The following TCF20 variants were observed in gnomAD, a reference collection of about 807,000 sequenced individuals.
TCF20 encodes transcription factor 20, also known as SPRE-binding protein.
A neutral mutation model predicts 148.6 loss-of-function variants in TCF20; 3 were observed. The observed-to-expected ratio is 0.02, with a 90% CI of 0.01 to 0.05. The LOEUF is 0.05. Among genes scored for constraint, TCF20 ranks in the 10% least tolerant of loss-of-function variants. The pLI is 1.00. For synonymous variants in TCF20, 1,049 were observed against 909.5 expected, an observed-to-expected ratio of 1.15 and a Z score of -2.76; for missense variants, 2,350 against 2,429.3, an observed-to-expected ratio of 0.97 and a Z score of 0.69.
intron 1 of TCF20, among the ~76,000 whole-genome samples, chr22:42,276,109 C>T (rs540711944): frequency 1.1e-4 from 16 of 152,294 alleles, no homozygotes; most frequent in African/African-American, 9.6e-5. Context: ...CTGGGCTCCA[C>T]GGGAAGGCAG....
chr22:42,319,022 C>T (rs897789918), intron 1 of TCF20, among the ~76,000 whole-genome samples: 1 of 152,182 alleles, frequency 6.6e-6, no homozygotes, highest in African/African-American at 2.4e-5. Context: ...TGTGCCACAC[C>T]TTGTAAGGGG....
At chr22:42,242,218 A>AC (rs1555942525) in intron 1 of TCF20, among the ~76,000 whole-genome samples, 1 of 142,586 alleles carries the variant, frequency 7.0e-6, no homozygotes, top group African/African-American at 2.8e-5. Context: ...AAAAAAAAAA[A>AC]AAAAAAAAAC....
At chr22:42,253,272 A>C (rs1034541337) in intron 1 of TCF20, among the ~76,000 whole-genome samples, 1 of 152,344 alleles carries the variant, frequency 6.6e-6, no homozygotes, top group East Asian at 1.9e-4. Flanking sequence ...CAGTGTTGTG[A>C]CTTCACATTA....
At chr22:42,209,123 CAATT>C (rs1214543617) in intron 2 of TCF20, among the ~76,000 whole-genome samples, 1 of 152,214 alleles carries the variant, frequency 6.6e-6, no homozygotes, top group East Asian at 1.9e-4. Flanking sequence ...AGCCAACTCT[CAATT>C]AAGCATGAGG....
intron 1 of TCF20, among the ~76,000 whole-genome samples, chr22:42,318,292 A>G (rs1449500087): frequency 6.6e-6 from 1 of 152,182 alleles, no homozygotes; most frequent in African/African-American, 2.4e-5. Context: ...AGCTCCAGTT[A>G]GGAGTTCAAT....
intron 3 of TCF20, among the ~76,000 whole-genome samples, chr22:42,175,239 C>T (rs2070415540): frequency 1.3e-5 from 2 of 152,128 alleles, no homozygotes; most frequent in Admixed American, 1.3e-4. Flanking sequence ...CTATGTTATC[C>T]AGGCTGAACT....
chr22:42,225,232 G>C (rs1922767208), intron 1 of TCF20, among the ~76,000 whole-genome samples: 1 of 152,026 alleles, frequency 6.6e-6, no homozygotes. Flanking sequence ...CTGACCTCAA[G>C]TGATCCACCT....
chr22:42,333,526 C>T (rs542256122), intron 1 of TCF20, among the ~76,000 whole-genome samples: 1 of 152,384 alleles, frequency 6.6e-6, no homozygotes, highest in Admixed American at 6.5e-5. Flanking sequence ...TTCCACCACA[C>T]CTTGGCCCTC....
chr22:42,177,738 T>C (rs1190833472), intron 3 of TCF20, among the ~76,000 whole-genome samples: 1 of 152,214 alleles, frequency 6.6e-6, no homozygotes, highest in Non-Finnish European at 1.5e-5. Flanking sequence ...ATTTTAGTCT[T>C]CATCCCTGAT....
intron 1 of TCF20, among the ~76,000 whole-genome samples, chr22:42,296,302 C>T (rs1366926932): frequency 6.6e-6 from 1 of 152,232 alleles, no homozygotes; most frequent in Non-Finnish European, 1.5e-5. Context: ...CAAGTACTGG[C>T]TCAGTGTCTG....
chr22:42,340,470 CACCAG>C (rs1928145021), intron 1 of TCF20, among the ~76,000 whole-genome samples: 3 of 152,180 alleles, frequency 2.0e-5, no homozygotes, highest in Non-Finnish European at 2.9e-5. Flanking sequence ...CCTCAGCCAT[CACCAG>C]ACAAGAAAAC....
chr22:42,265,096 C>G (rs1201601002), intron 1 of TCF20, among the ~76,000 whole-genome samples: 2 of 152,212 alleles, frequency 1.3e-5, no homozygotes, highest in African/African-American at 4.8e-5. Flanking sequence ...CATCTTCCTG[C>G]TGGGTCACGC....
intron 1 of TCF20, among the ~76,000 whole-genome samples, chr22:42,255,306 A>G (rs1249013255): frequency 1.3e-5 from 2 of 151,902 alleles, no homozygotes; most frequent in Non-Finnish European, 2.9e-5. Context: ...CCAACATGGT[A>G]AAACCCCGTC....
chr22:42,245,944 T>C (rs1924865635), intron 1 of TCF20, among the ~76,000 whole-genome samples: 1 of 152,088 alleles, frequency 6.6e-6, no homozygotes, highest in African/African-American at 2.4e-5. Context: ...GTATTATCAA[T>C]GATCTAGTTG....
chr22:42,240,747 GCCC>G (rs1170363806), intron 1 of TCF20, among the ~76,000 whole-genome samples: 3 of 152,106 alleles, frequency 2.0e-5, no homozygotes, highest in Non-Finnish European at 4.4e-5. Context: ...GTGAACTGAG[GCCC>G]CATAGGGCTG....
chr22:42,238,457 T>G (rs1924078647), intron 1 of TCF20, among the ~76,000 whole-genome samples: 1 of 152,262 alleles, frequency 6.6e-6, no homozygotes, highest in Non-Finnish European at 1.5e-5. Context: ...AGTTGTACTT[T>G]TAACTTTCTT....
rs144735319 is a variant in TCF20 at position 42,211,717 on chromosome 22, G to C, written c.3589C>G (p.Pro1197Ala). The change falls in exon 2 of 6, where the codon CCA (proline) becomes GCA (alanine). Residue 1197 changes from proline (P) to alanine (A), a missense_variant. Pro to Ala is a conservative substitution (Grantham distance 27, BLOSUM62 -1). Transcript: ENST00000677622. ...CCTGGAGGACCGCTGCTTTTGGCTG[G>C]AGAAGTTTGCCGAGAAAGATCCCAA... ...SCWDLSRQTS[P>A]AKSSGPPGMS... is the part of the protein sequence containing the mutation. The C allele has an allele frequency of 1.9e-6, 3 of 1,614,160 alleles. No homozygotes were observed. Among genetic ancestry groups the C allele is most frequent in the East Asian group, 2.2e-5 (1 of 44,890 alleles).
rs755278956 is a variant in TCF20, at chr22:42,214,455, T to G, written c.851A>C (p.Tyr284Ser). The change falls in exon 2 of 6, where the codon TAT becomes TCT. Residue 284 changes from tyrosine to serine, a missense_variant. Around this residue, in one of 7 missense-constraint regions of TCF20, gnomAD observed 1,641 missense variants for 1,662.6 expected, o/e 0.99. Transcript: ENST00000677622. ...GHNVGSNAQA[Y>S]GTQSNYSYQP... Reference sequence around the variant, plus strand: ...ATAGCTGTAATTGGATTGTGTTCCATAAGCCTGTGCATTAGAACCCACATT... The same window carrying G: ...ATAGCTGTAATTGGATTGTGTTCCAGAAGCCTGTGCATTAGAACCCACATT... 3.7e-6 allele frequency: 6 copies of G among 1,614,056 alleles called. No individual in the cohort carries two copies. In the African/African-American group the frequency reaches 6.7e-5, roughly 18 times the overall value.
At chr22:42,335,637 G>C (rs1928053271) in intron 1 of TCF20, among the ~76,000 whole-genome samples, 1 of 152,226 alleles carries the variant, frequency 6.6e-6, no homozygotes, top group Non-Finnish European at 1.5e-5. Flanking sequence ...GGGGCAGAGA[G>C]TGGGGAAGTG....
Sources: gnomAD v4.1 joint callset for allele counts (sites outside exome capture counted in the v4.1 genomes callset) on GRCh38, gnomAD v4.1.1 for gene constraint, gnomAD v4.1.1 regional missense constraint, MANE v1.5 for transcripts, NCBI Gene and HGNC (gene_info 2026-07-23, HGNC 2026-07-21) for gene names.